The following STRN4 variants were observed in gnomAD, a reference collection of about 807,000 sequenced individuals.
The protein encoded by STRN4 is striatin 4.
Under a neutral mutation model 77.9 loss-of-function variants are expected in STRN4, and 27 were observed. The observed-to-expected ratio is 0.35, with a 90% CI of 0.26 to 0.48. The LOEUF (loss-of-function observed/expected upper bound fraction) is 0.48. Among genes scored for constraint, STRN4 ranks in the 20% least tolerant of loss-of-function variants. STRN4 has a pLI of 0.99. For synonymous variants in STRN4, 466 were observed against 443.1 expected (o/e 1.05, Z -0.65); for missense variants, 798 against 1,049.7 (o/e 0.76, Z 3.31).
intron 1 of STRN4, among the ~76,000 whole-genome samples, chr19:46,742,795 T>C (rs2066176516): frequency 6.6e-6 from 1 of 152,212 alleles, no homozygotes; most frequent in African/African-American, 2.4e-5. Flanking sequence ...ACTCCAGACC[T>C]TGTGATCCAC....
rs1387465038 is a variant in STRN4, at chr19:46,727,485, G to A, written c.1215C>T (p.Leu405=). The change falls in exon 9 of 18, where the codon CTC becomes CTT. Residue 405 remains leucine, a synonymous_variant. Coordinates refer to ENST00000263280, the MANE Select transcript of STRN4 (RefSeq NM_013403.3). ...GEVSLGDLAD[L]TVTNDNDLSC... ...TGAGGTCGTTGTCGTTGGTGACGGT[G>A]AGATCTGCCAAGTCCCCCAGGCTCA... is the stretch of plus-strand genomic sequence containing the variant. The A allele has an allele frequency of 6.2e-7, 1 of 1,614,032 alleles. No homozygotes were observed. The highest frequency in any genetic ancestry group is 2.2e-5 in the East Asian group (1 of 44,874).
chr19:46,745,916 C>CG (rs2054583593), intron 1 of STRN4: 1 of 419,750 alleles, frequency 2.4e-6, no homozygotes, highest in South Asian at 5.6e-5. Context: ...CTCCCACCCC[C>CG]GGTCCCTCCA....
chr19:46,727,726 A>G, intron 8 of STRN4, 168 bp downstream of exon 8: 1 of 751,414 alleles, frequency 1.3e-6, no homozygotes, highest in South Asian at 1.8e-5. Flanking sequence ...AGGGCAGGAC[A>G]GACAAAAAGA....
intron 13 of STRN4, 23 bp from the exon 14 acceptor site, chr19:46,722,973 G>C: frequency 6.2e-7 from 1 of 1,612,674 alleles, no homozygotes; most frequent in Non-Finnish European, 8.5e-7. Context: ...GGAAGAGAAG[G>C]CTGCTGAATG....
chr19:46,725,749 G>T, intron 9 of STRN4, 101 bp from the exon 10 acceptor site: 1 of 1,436,158 alleles, frequency 7.0e-7, no homozygotes, highest in South Asian at 1.4e-5. Flanking sequence ...CCACCCACAT[G>T]ACCCTGGCAG....
chr19:46,746,088 C>T (rs1470557425), intron 1 of STRN4, 61 bp downstream of exon 1: 7 of 1,301,784 alleles, frequency 5.4e-6, no homozygotes, highest in Non-Finnish European at 6.9e-6. Context: ...GCGGCGGCAG[C>T]GGGTGAGGCC....
chr19:46,735,677 A>C (rs1470869510), intron 4 of STRN4, among the ~76,000 whole-genome samples: 1 of 152,134 alleles, frequency 6.6e-6, no homozygotes, highest in African/African-American at 2.4e-5. Flanking sequence ...AAAAATAATA[A>C]TTTGAGGCTG....
chr19:46,734,159 G>T (rs2054311425), intron 4 of STRN4, among the ~76,000 whole-genome samples: 1 of 152,174 alleles, frequency 6.6e-6, no homozygotes, highest in Non-Finnish European at 1.5e-5. Context: ...CTGGGCACTG[G>T]GGGCAGATTG....
At chr19:46,739,027 A>G (rs1024212401) in intron 1 of STRN4, 139 bp from the exon 2 acceptor site, 2 of 709,916 alleles carry the variant, frequency 2.8e-6, no homozygotes, top group Admixed American at 4.3e-5. Flanking sequence ...AGGCACAAAG[A>G]TCCCAAGCCA....
At position 46,722,268 on chromosome 19, in the gene STRN4, C is replaced by A; in HGVS notation, c.1979G>T (p.Gly660Val). ...TGTCCGATTGTCCAGGAAGCGGATG[C>A]CCCTGTCGTCGTGGGCGGTGATGGT... ...PLTITAHDDR[G>V]IRFLDNRTGK... The change falls in exon 15 of 18, where the codon GGC becomes GTC. Residue 660 changes from glycine to valine, a missense_variant. Physicochemically the swap from Gly to Val is moderately radical, Grantham distance 109. Transcript: ENST00000263280. 15 of 1,614,190 alleles carry A rather than the reference C, an allele frequency of 9.3e-6. No individual in the cohort carries two copies. Among genetic ancestry groups the A allele is most frequent in the Non-Finnish European group, 1.3e-5 (15 of 1,180,024 alleles).
intron 4 of STRN4, among the ~76,000 whole-genome samples, chr19:46,735,978 AATG>A (rs1203340061): frequency 6.7e-6 from 1 of 149,026 alleles, no homozygotes; most frequent in African/African-American, 2.5e-5. Context: ...TAATAATAAT[AATG>A]ATAATAATTT....
rs1044090147 is a variant in STRN4, at chr19:46,722,839, A to T, written c.1877T>A (p.Leu626His). The part of the protein sequence containing the change: ...VLYDMEVGSA[L>H]LTLESRGSSG... ...GCTGCCCCGGGACTCCAGCGTGAGG[A>T]GGGCACTGCCAACCTCCATGTCATA... Residue 626 changes from leucine to histidine, a missense_variant, in exon 14 of 18, where the codon CTC becomes CAC. Leu to His is a moderately conservative substitution (Grantham distance 99). This residue lies in a region of STRN4 where 287 missense variants were observed against 473.8 expected (regional missense o/e 0.61). Transcript: ENST00000263280. 1.2e-6 allele frequency: 2 copies of T among 1,613,870 alleles called. No individual in the cohort carries two copies. Among genetic ancestry groups the T allele is most frequent in the Non-Finnish European group, 1.7e-6 (2 of 1,180,022 alleles).
At chr19:46,728,549 C>A in intron 7 of STRN4, 69 bp downstream of exon 7, 1 of 1,548,444 alleles carries the variant, frequency 6.5e-7, no homozygotes, top group Non-Finnish European at 8.7e-7. Flanking sequence ...CAGCTGCGGG[C>A]AGCTGAGCCT....
rs11666600 is a variant in STRN4 at position 46,733,011 on chromosome 19, G to C, written c.737+28C>G. ...CACCAGCAGTCAGGAGGAACAGAGA[G>C]ACACACCTGCCATGTCCACGGGCTC... On this transcript the variant is annotated intron_variant, in intron 5 of 17. Transcript: ENST00000263280. This position sits in a 1 kb window ranked among gnomAD's most constrained non-coding sequence, Gnocchi z 4.3. 519,697 of 1,588,948 alleles carry C rather than the reference G, an allele frequency of 0.33. 86,446 individuals are homozygous for C. Among genetic ancestry groups the C allele is most frequent in the Admixed American group, 0.46 (26,918 of 58,528 alleles).
rs150598540 is a variant in STRN4, at chr19:46,727,841, C to A, written c.1153+53G>T. On this transcript the variant is annotated intron_variant, in intron 8 of 17. Coordinates refer to ENST00000263280, the MANE Select transcript of STRN4 (RefSeq NM_013403.3). ...GAAGCCCTGGGCTCAGCTCTGCAGC[C>A]TCCCTCTGCCATGGGCCCGCAGGAC... 3.6e-4 allele frequency: 535 copies of A among 1,479,506 alleles called. 3 individuals carry two copies. The African/African-American group carries it at 6.3e-3, about 17-fold the overall frequency. 91.6% of individuals were successfully genotyped at this position (1,479,506 alleles called of 1,614,324 possible). A position where few individuals can be genotyped will look rare whatever the true frequency, so the allele number is the denominator to read the frequency against.
At chr19:46,732,652 G>T in intron 5 of STRN4, 1 of 207,940 alleles carries the variant, frequency 4.8e-6, no homozygotes, top group Non-Finnish European at 9.9e-6. Context: ...CACTTGTTCT[G>T]CTTAACTGAC....
Position 46,720,725 on chromosome 19 carries a change from G to A in STRN4, c.2139C>T (p.Cys713=), listed in dbSNP as rs201712939. The change falls in exon 17 of 18, where the codon TGC becomes TGT. Residue 713 remains cysteine (C), a synonymous_variant. Coordinates refer to ENST00000263280, the MANE Select transcript of STRN4 (RefSeq NM_013403.3). ...TGCGGTGGGCCGTGATCTCCTGCAC[G>A]CACGTTTTGTTGTCCAGGCTCCAGA... ...LRLWSLDNKT[C]VQEITAHRKK... is the part of the protein sequence containing the mutation. 20 of 1,607,274 alleles carry A rather than the reference G, an allele frequency of 1.2e-5. No individual in the cohort carries two copies. Among genetic ancestry groups the A allele is most frequent in the South Asian group, 8.9e-5 (8 of 89,730 alleles).
intron 4 of STRN4, chr19:46,736,028 CTTT>C (rs2054354259): frequency 6.6e-6 from 1 of 151,756 alleles, no homozygotes; most frequent in Non-Finnish European, 1.5e-5. Context: ...AATCCCAGCA[CTTT>C]GGGAGGCCGA....
intron 16 of STRN4, chr19:46,721,029 CA>C (rs1189375516): frequency 7.9e-6 from 3 of 378,832 alleles, no homozygotes; most frequent in African/African-American, 4.2e-5. Context: ...GGGCAGTGAA[CA>C]AAACAGGCAA....
Sources: gnomAD v4.1 joint callset for allele counts (sites outside exome capture counted in the v4.1 genomes callset) on GRCh38, gnomAD v4.1.1 for gene constraint, gnomAD v4.1.1 regional missense constraint, Gnocchi (gnomAD v3.1) non-coding constraint, MANE v1.5 for transcripts, NCBI Gene and HGNC (gene_info 2026-07-23, HGNC 2026-07-21) for gene names.